The following DNAH5 variants were observed in gnomAD, a reference collection of about 807,000 sequenced individuals.
DNAH5 encodes the protein dynein axonemal heavy chain 5.
DNAH5 carries 372 observed loss-of-function variants against 518.2 expected under a neutral mutation model. That is an observed-to-expected ratio of 0.72 (90% CI 0.66 to 0.78). DNAH5 has a LOEUF of 0.78. Among genes scored for constraint, DNAH5 ranks in the 30% least tolerant of loss-of-function variants. The pLI is 0.00. For missense variants in DNAH5, 5,523 were observed against 5,687.0 expected, an observed-to-expected ratio of 0.97 and a Z score of 0.93; for synonymous variants, 2,039 against 2,025.9, an observed-to-expected ratio of 1.01 and a Z score of -0.17.
Position 13,823,249 on chromosome 5 carries a change from G to A in DNAH5, c.6687+14C>T. The stretch of plus-strand genomic sequence containing the variant: ...AACAGACACCAGCCCTCGTTGCCCT[G>A]TGAAGCATATTACCTGTCTACTAAT... On this transcript the variant is annotated intron_variant, in intron 40 of 78. Transcript: ENST00000265104. 6.5e-7 allele frequency: 1 copy of A among 1,529,410 alleles called. No homozygotes were observed. The highest frequency in any genetic ancestry group is 9.1e-7 in the Non-Finnish European group (1 of 1,102,676). 94.7% of individuals were successfully genotyped at this position (1,529,410 alleles called of 1,614,324 possible).
At chr5:13,850,841 A>T (rs930175271) in intron 30 of DNAH5, 26 bp from the exon 31 acceptor site, 11 of 1,612,748 alleles carry the variant, frequency 6.8e-6, no homozygotes, top group Non-Finnish European at 8.5e-6. Flanking sequence ...AACAAAGCAC[A>T]CTTAGATTTG....
rs1038428426 is a variant in DNAH5 at position 13,701,187 on chromosome 5, C to T, written c.13491+97G>A. The stretch of plus-strand genomic sequence containing the variant: ...ACTGCTAGTACCAAAAAGAGACAGT[C>T]ATTCTCTGTCTTATTATAGTCTTTA... On this transcript the variant is annotated intron_variant, in intron 77 of 78. Transcript: ENST00000265104. The T allele has an allele frequency of 1.5e-5, 23 of 1,508,200 alleles. 1 individual carries two copies. The Admixed American group carries it at 2.0e-4, about 13-fold the overall frequency. The allele number at this position is 1,508,200 out of a possible 1,614,324, so 93.4% of individuals were successfully genotyped here.
In DNAH5 at chr5:13,914,512, A is replaced by C; in HGVS notation, c.1320+8T>G. On this transcript the variant is annotated splice_region_variant and intron_variant, in intron 10 of 78. Transcript: ENST00000265104. The stretch of plus-strand genomic sequence containing the variant: ...AATAGAACATCTAAATACTAAACTG[A>C]CCATTACCTGTTTCAGTTTAATCGC... 1 of 1,612,590 alleles carries C rather than the reference A, an allele frequency of 6.2e-7. No homozygotes were observed. Among genetic ancestry groups the C allele is most frequent in the Non-Finnish European group, 8.5e-7 (1 of 1,179,238 alleles).
intron 1 of DNAH5, among the ~76,000 whole-genome samples, chr5:13,973,674 G>A (rs1375576123): frequency 6.7e-6 from 1 of 150,310 alleles, no homozygotes; most frequent in Non-Finnish European, 1.5e-5. Context: ...CATATAGAGA[G>A]ATATACATTG....
intron 48 of DNAH5, 55 bp downstream of exon 48, chr5:13,793,880 TA>T: frequency 6.3e-7 from 1 of 1,595,146 alleles, no homozygotes; most frequent in East Asian, 2.3e-5. Context: ...AAAACTCTTC[TA>T]AGAATAAATC....
chr5:13,938,822 A>G (rs1292002512), intron 1 of DNAH5, among the ~76,000 whole-genome samples: 1 of 152,220 alleles, frequency 6.6e-6, no homozygotes, highest in Admixed American at 6.5e-5. Flanking sequence ...TAACGAAACC[A>G]AGGACATGGA....
intron 3 of DNAH5, among the ~76,000 whole-genome samples, chr5:13,927,095 T>C (rs972359924): frequency 1.3e-5 from 2 of 152,114 alleles, no homozygotes; most frequent in Non-Finnish European, 2.9e-5. Context: ...ATATATTAAA[T>C]AATACATTTA....
intron 21 of DNAH5, among the ~76,000 whole-genome samples, chr5:13,879,108 G>A (rs1010525940): frequency 5.3e-5 from 8 of 152,288 alleles, no homozygotes; most frequent in Non-Finnish European, 5.9e-5. Flanking sequence ...CCTCCCACAT[G>A]AGGTCAGTCT....
chr5:13,838,674 A>G (rs1158754918), intron 35 of DNAH5, among the ~76,000 whole-genome samples: 1 of 152,218 alleles, frequency 6.6e-6, no homozygotes, highest in Non-Finnish European at 1.5e-5. Context: ...ATTATCCATT[A>G]CAATGTAATA....
chr5:13,896,882 G>T (rs1773976733), intron 15 of DNAH5: 1 of 152,280 alleles, frequency 6.6e-6, no homozygotes, highest in African/African-American at 2.4e-5. Context: ...AATACAGTTG[G>T]TATTAAGGTC....
At chr5:13,938,132 C>G (rs1056190987) in intron 1 of DNAH5, among the ~76,000 whole-genome samples, 3 of 152,148 alleles carry the variant, frequency 2.0e-5, no homozygotes, top group Non-Finnish European at 4.4e-5. Flanking sequence ...ATCCCCTCAT[C>G]CAGCATCTCC....
chr5:13,833,404 A>C (rs1366474253), intron 35 of DNAH5, among the ~76,000 whole-genome samples: 1 of 147,210 alleles, frequency 6.8e-6, no homozygotes, highest in East Asian at 2.0e-4. Flanking sequence ...ACGCCACTGC[A>C]CTCCAGCCTG....
rs569696384 is a variant in DNAH5, at chr5:13,900,035, T to C, written c.2259+171A>G. Reference sequence around the variant, plus strand: ...TTCTCATCTTGGCCTGCAAGACCTGTAACGGCCTGGCCCCAGCCAACTCTG... The same window carrying C: ...TTCTCATCTTGGCCTGCAAGACCTGCAACGGCCTGGCCCCAGCCAACTCTG... On this transcript the variant is annotated intron_variant, in intron 15 of 78. Transcript: ENST00000265104. 9.4e-5 allele frequency: 59 copies of C among 628,460 alleles called. No individual in the cohort carries two copies. The South Asian group carries it at 1.1e-3, about 12-fold the overall frequency. The allele number at this position is 628,460 out of a possible 1,614,324, so 38.9% of individuals were successfully genotyped here. A position where few individuals can be genotyped will look rare whatever the true frequency, so the allele number is the denominator to read the frequency against.
chr5:13,838,220 C>T (rs1764670196), intron 35 of DNAH5, among the ~76,000 whole-genome samples: 1 of 152,140 alleles, frequency 6.6e-6, no homozygotes, highest in East Asian at 1.9e-4. Flanking sequence ...AATATTAGCC[C>T]TGCAAGCACC....
In DNAH5 at chr5:13,718,944, G is replaced by C. The variant is rs750170721; in HGVS notation, c.12437C>G (p.Ser4146Cys). Residue 4146 changes from serine to cysteine, a missense_variant, in exon 72 of 79, where the codon TCC becomes TGC. Physicochemically the swap from Ser to Cys is moderately radical, Grantham distance 112. Around this residue, in one of 3 missense-constraint regions of DNAH5, gnomAD observed 5,121 missense variants for 5,223.3 expected, o/e 0.98. Coordinates refer to ENST00000265104, the MANE Select transcript of DNAH5 (RefSeq NM_001369.3). ...TGGAGGATCGTTGGCAAATTTAATG[G>C]ACATCTGAAGGAGTGTAATGGGAAA... ...KQFPITLLQM[S>C]IKFANDPPQG... is the part of the protein sequence containing the mutation. The C allele has an allele frequency of 6.2e-7, 1 of 1,613,984 alleles. No homozygotes were observed. The highest frequency in any genetic ancestry group is 1.3e-5 in the African/African-American group (1 of 74,896).
intron 1 of DNAH5, among the ~76,000 whole-genome samples, chr5:14,000,666 C>T (rs889421778): frequency 2.0e-5 from 3 of 151,338 alleles, no homozygotes; most frequent in East Asian, 1.9e-4. Flanking sequence ...GGCAAGGCTG[C>T]GGGGAAAAGG....
chr5:13,908,260 T>C (rs1307241854), intron 12 of DNAH5, among the ~76,000 whole-genome samples: 1 of 152,188 alleles, frequency 6.6e-6, no homozygotes, highest in African/African-American at 2.4e-5. Flanking sequence ...GTTCCTGCAT[T>C]AAAAAACAGT....
At chr5:13,732,902 T>A (rs1746816197) in intron 68 of DNAH5, among the ~76,000 whole-genome samples, 1 of 152,218 alleles carries the variant, frequency 6.6e-6, no homozygotes, top group Non-Finnish European at 1.5e-5. Context: ...GTAGCTCTCA[T>A]CAACCTAACC....
chr5:13,955,402 C>T (rs1481457363), intron 1 of DNAH5, among the ~76,000 whole-genome samples: 1 of 152,136 alleles, frequency 6.6e-6, no homozygotes, highest in Non-Finnish European at 1.5e-5. Flanking sequence ...TGAAAACAGA[C>T]TAATACACCA....
Sources: allele counts gnomAD v4.1 joint callset (sites outside exome capture counted in the v4.1 genomes callset), GRCh38; gene constraint gnomAD v4.1.1; regional missense constraint gnomAD v4.1.1; transcripts MANE v1.5; gene names NCBI Gene and HGNC (gene_info 2026-07-23, HGNC 2026-07-21).